MAGI2: variants seen among roughly 807,000 people sequenced by gnomAD.
MAGI2 encodes membrane associated guanylate kinase, WW and PDZ domain containing 2.
In MAGI2, 35 loss-of-function variants were observed where a neutral mutation model predicts 133.3. The ratio of observed to expected loss-of-function variants is 0.26; its 90% CI spans 0.20 to 0.35. The LOEUF is 0.35. Ranked by LOEUF, MAGI2 falls within the 10% of genes least tolerant of loss-of-function variation. The probability of loss-of-function intolerance (pLI) is 1.00; values close to 1 mark genes in which losing one functional copy is unlikely to be tolerated. For synonymous variants in MAGI2, 729 were observed against 710.6 expected (o/e 1.03, Z -0.41); for missense variants, 1,636 against 1,863.4 (o/e 0.88, Z 2.25).
chr7:79,453,430 T>C lies in MAGI2; in HGVS notation c.-110A>G. 6.7e-7 allele frequency: 1 copy of C among 1,499,132 alleles called. No individual in the cohort carries two copies. The highest frequency in any genetic ancestry group is 8.8e-7 in the Non-Finnish European group (1 of 1,131,500). The allele number at this position is 1,499,132 out of a possible 1,614,324, so 92.9% of individuals were successfully genotyped here. A position where few individuals can be genotyped will look rare whatever the true frequency, so the allele number is the denominator to read the frequency against. On this transcript the variant is annotated 5_prime_UTR_variant, in exon 1 of 22. Coordinates refer to ENST00000354212, the MANE Select transcript of MAGI2 (RefSeq NM_012301.4). ...GGGCCCAGGGGGAAGAACAGCAGAC[T>C]TTGCCTTCGCCCCCCTCTATTCGGT...
chr7:78,190,533 C>A (rs1487892094), intron 12 of MAGI2, among the ~76,000 whole-genome samples: 8 of 152,072 alleles, frequency 5.3e-5, no homozygotes, highest in Non-Finnish European at 7.4e-5. Context: ...CACGCCAGGA[C>A]AGCACAGACA....
intron 1 of MAGI2, among the ~76,000 whole-genome samples, chr7:79,101,664 T>C (rs890495506): frequency 3.6e-5 from 5 of 138,112 alleles, no homozygotes; most frequent in Non-Finnish European, 3.0e-5. Flanking sequence ...GTGGAGCTTG[T>C]AGTGAGCCGA....
chr7:78,045,001 T>A (rs1811276345), intron 21 of MAGI2, among the ~76,000 whole-genome samples: 1 of 152,100 alleles, frequency 6.6e-6, no homozygotes, highest in Admixed American at 6.5e-5. Flanking sequence ...ACCCCGTCTC[T>A]ACTAGAAATA....
intron 2 of MAGI2, among the ~76,000 whole-genome samples, chr7:78,760,912 C>A (rs1307675307): frequency 6.6e-6 from 1 of 152,178 alleles, no homozygotes; most frequent in Non-Finnish European, 1.5e-5. Context: ...CACCAAGGAG[C>A]CAGGAGGAAC....
Position 78,940,007 on chromosome 7 carries a change from T to C in MAGI2, c.418+67083A>G, listed in dbSNP as rs1433512703. The C allele has an allele frequency of 2.0e-5, 3 of 152,130 alleles. No homozygotes were observed. The East Asian group carries it at 5.8e-4, about 29-fold the overall frequency. 9.4% of individuals were successfully genotyped at this position (152,130 alleles called of 1,614,324 possible). On this transcript the variant is annotated intron_variant, in intron 2 of 21. Transcript: ENST00000354212. ...TGAGCTTAGAAGAGGAGAGACTCTATGTCTTCTTTGAGGAAAGGAAAAAAC... is the reference window on the plus strand; with the variant it reads ...TGAGCTTAGAAGAGGAGAGACTCTACGTCTTCTTTGAGGAAAGGAAAAAAC...
intron 3 of MAGI2, among the ~76,000 whole-genome samples, chr7:78,602,184 T>A (rs1427521221): frequency 6.7e-6 from 1 of 148,568 alleles, no homozygotes; most frequent in Non-Finnish European, 1.5e-5. Flanking sequence ...TTCATTCTTG[T>A]TGCACAGGCT....
At chr7:78,993,414 C>T (rs906230165) in intron 2 of MAGI2, among the ~76,000 whole-genome samples, 11 of 151,964 alleles carry the variant, frequency 7.2e-5, no homozygotes, top group Non-Finnish European at 1.5e-4. Context: ...ATTGGATTAT[C>T]CATAAAAAGA....
At chr7:78,627,373 C>T (rs1808481996) in intron 2 of MAGI2, 134 bp from the exon 3 acceptor site, 1 of 779,710 alleles carries the variant, frequency 1.3e-6, no homozygotes. Context: ...TGCATTTGTC[C>T]TTCTGTTTGT....
At chr7:78,973,924 G>T (rs1804009997) in intron 2 of MAGI2, among the ~76,000 whole-genome samples, 1 of 151,684 alleles carries the variant, frequency 6.6e-6, no homozygotes, top group South Asian at 2.1e-4. Context: ...GGAGTGTGTT[G>T]CTGCGTTTGG....
intron 10 of MAGI2, 49 bp from the exon 11 acceptor site, chr7:78,201,242 C>T: frequency 1.1e-6 from 1 of 917,780 alleles, no homozygotes; most frequent in East Asian, 2.9e-5. Context: ...TACCGACTGC[C>T]ACTTATGGGT....
chr7:79,157,380 G>T (rs1823881470), intron 1 of MAGI2, among the ~76,000 whole-genome samples: 1 of 151,808 alleles, frequency 6.6e-6, no homozygotes, highest in African/African-American at 2.4e-5. Context: ...GCATATAAGG[G>T]CTGATCACCC....
chr7:78,473,343 G>A (rs570361612), intron 6 of MAGI2, among the ~76,000 whole-genome samples: 1 of 152,054 alleles, frequency 6.6e-6, no homozygotes, highest in East Asian at 1.9e-4. Context: ...TTTTTTTGAT[G>A]GCACACAAGT....
At chr7:78,391,201 G>A (rs954508829) in intron 6 of MAGI2, among the ~76,000 whole-genome samples, 4 of 152,130 alleles carry the variant, frequency 2.6e-5, no homozygotes, top group Admixed American at 2.0e-4. Context: ...AAATCCCTTT[G>A]TATTGAATTC....
At chr7:78,893,077 A>G (rs1417681978) in intron 2 of MAGI2, among the ~76,000 whole-genome samples, 3 of 152,068 alleles carry the variant, frequency 2.0e-5, no homozygotes, top group Non-Finnish European at 1.5e-5. Context: ...AAGGATATGA[A>G]CAGACACTTC....
chr7:78,385,894 CAT>C (rs1389901934), intron 6 of MAGI2, among the ~76,000 whole-genome samples: 1 of 152,134 alleles, frequency 6.6e-6, no homozygotes, highest in African/African-American at 2.4e-5. Flanking sequence ...GATCTGTTTT[CAT>C]ATATGAGCAT....
intron 2 of MAGI2, among the ~76,000 whole-genome samples, chr7:78,789,763 T>G (rs1827114634): frequency 6.6e-6 from 1 of 152,230 alleles, no homozygotes; most frequent in Admixed American, 6.5e-5. Flanking sequence ...GTAGTCACCT[T>G]GTTGTGCTAT....
At chr7:79,077,034 T>C (rs1035664684) in intron 1 of MAGI2, among the ~76,000 whole-genome samples, 1 of 152,220 alleles carries the variant, frequency 6.6e-6, no homozygotes, top group African/African-American at 2.4e-5. Flanking sequence ...GCTGGGCTAA[T>C]AATACCATTT....
intron 1 of MAGI2, chr7:79,412,298 T>G (rs1480450162): frequency 1.3e-5 from 2 of 152,162 alleles, no homozygotes; most frequent in East Asian, 3.9e-4. Context: ...TGGAGCAATT[T>G]CACTGCAATG....
chr7:79,051,624 G>T (rs1416865301), intron 1 of MAGI2, among the ~76,000 whole-genome samples: 1 of 151,954 alleles, frequency 6.6e-6, no homozygotes, highest in East Asian at 1.9e-4. Context: ...AATCAGCTGA[G>T]CACCAAGTAA....
Sources: allele counts gnomAD v4.1 joint callset (sites outside exome capture counted in the v4.1 genomes callset), GRCh38; gene constraint gnomAD v4.1.1; transcripts MANE v1.5; gene names NCBI Gene and HGNC (gene_info 2026-07-23, HGNC 2026-07-21).